ERC1: variants seen among roughly 807,000 people sequenced by gnomAD.
ERC1 encodes RAB6 interacting protein 2.
Under a neutral mutation model 132.0 loss-of-function variants are expected in ERC1, and 56 were observed. The observed-to-expected ratio is 0.42, with a 90% CI of 0.34 to 0.53. The LOEUF (loss-of-function observed/expected upper bound fraction) is 0.53. Among genes scored for constraint, ERC1 ranks in the 20% least tolerant of loss-of-function variants. The pLI is 0.03. For synonymous variants in ERC1, 478 were observed against 476.1 expected (o/e 1.00, Z -0.05); for missense variants, 1,202 against 1,349.9 (o/e 0.89, Z 1.72).
intron 7 of ERC1, among the ~76,000 whole-genome samples, chr12:1,117,196 A>C (rs1341868952): frequency 6.6e-6 from 1 of 152,186 alleles, no homozygotes; most frequent in Admixed American, 6.5e-5. Flanking sequence ...TTCTTTAAAG[A>C]AAAATAAGAA....
intron 13 of ERC1, among the ~76,000 whole-genome samples, chr12:1,255,506 C>A (rs988704850): frequency 6.6e-6 from 1 of 151,710 alleles, no homozygotes; most frequent in African/African-American, 2.4e-5. Context: ...GTTCTAGATC[C>A]TTGAGGAATC....
chr12:1,051,660 A>G (rs911426272), intron 2 of ERC1, among the ~76,000 whole-genome samples: 3 of 152,096 alleles, frequency 2.0e-5, no homozygotes, highest in East Asian at 1.9e-4. Flanking sequence ...TTGAGGCTGC[A>G]GTGAGTCCTG....
chr12:1,231,038 G>C (rs1594394613), intron 12 of ERC1, among the ~76,000 whole-genome samples: 1 of 152,182 alleles, frequency 6.6e-6, no homozygotes, highest in African/African-American at 2.4e-5. Context: ...TTTGATTGGA[G>C]AATTTAATCC....
intron 12 of ERC1, among the ~76,000 whole-genome samples, chr12:1,213,737 CAAA>C (rs574859764): frequency 3.0e-5 from 3 of 100,730 alleles, no homozygotes; most frequent in Non-Finnish European, 4.1e-5. Context: ...GACTCCATCT[CAAA>C]AAAAAAAAAA....
At chr12:1,489,267 G>A (rs1464768780) in intron 18 of ERC1, among the ~76,000 whole-genome samples, 2 of 152,122 alleles carry the variant, frequency 1.3e-5, no homozygotes, top group Non-Finnish European at 2.9e-5. Context: ...TCTCCCAGAC[G>A]GACTCTAGTC....
chr12:1,325,745 GTAATC>G (rs1380279795), intron 15 of ERC1, among the ~76,000 whole-genome samples: 1 of 152,084 alleles, frequency 6.6e-6, no homozygotes, highest in Non-Finnish European at 1.5e-5. Flanking sequence ...CATCTAAAGA[GTAATC>G]TAAGGACTAT....
intron 7 of ERC1, among the ~76,000 whole-genome samples, chr12:1,128,690 C>T (rs188230999): frequency 1.8e-4 from 27 of 152,196 alleles, no homozygotes; most frequent in Non-Finnish European, 3.8e-4. Flanking sequence ...TATGTAGTAA[C>T]ACTCAGTAAA....
intron 8 of ERC1, among the ~76,000 whole-genome samples, chr12:1,154,032 CTG>C (rs1336882310): frequency 6.6e-6 from 1 of 152,080 alleles, no homozygotes; most frequent in Non-Finnish European, 1.5e-5. Context: ...TTATACCACT[CTG>C]TATGCCTTTG....
intron 15 of ERC1, among the ~76,000 whole-genome samples, chr12:1,334,939 T>G (rs2083188010): frequency 1.3e-5 from 2 of 152,216 alleles, no homozygotes; most frequent in Admixed American, 1.3e-4. Flanking sequence ...TGTAGAGATC[T>G]TTCACCTGCT....
At chr12:1,485,555 G>A (rs1320993387) in intron 18 of ERC1, among the ~76,000 whole-genome samples, 1 of 152,044 alleles carries the variant, frequency 6.6e-6, no homozygotes, top group African/African-American at 2.4e-5. Flanking sequence ...TTAGCCATTT[G>A]TATTTCTTCT....
chr12:1,244,569 A>G, intron 13 of ERC1: 1 of 452,484 alleles, frequency 2.2e-6, no homozygotes, highest in Non-Finnish European at 4.4e-6. Context: ...TGACCCAGGC[A>G]GGAGTGCAGT....
chr12:1,093,583 A>G (rs1010614316), intron 3 of ERC1, among the ~76,000 whole-genome samples: 1 of 152,168 alleles, frequency 6.6e-6, no homozygotes, highest in African/African-American at 2.4e-5. Context: ...ACTTACTTAA[A>G]TGCTGGTATG....
chr12:1,217,204 C>G (rs1198298801), intron 12 of ERC1, among the ~76,000 whole-genome samples: 1 of 152,154 alleles, frequency 6.6e-6, no homozygotes. Flanking sequence ...AAAAGCCAAG[C>G]CTGCGTTTTA....
intron 8 of ERC1, among the ~76,000 whole-genome samples, chr12:1,144,770 C>T (rs1950199078): frequency 6.6e-6 from 1 of 151,250 alleles, no homozygotes; most frequent in Non-Finnish European, 1.5e-5. Flanking sequence ...GTGCAAGTGT[C>T]TTTTTCGTAT....
At chr12:1,372,798 C>CA (rs1284679412) in intron 16 of ERC1, among the ~76,000 whole-genome samples, 1 of 152,280 alleles carries the variant, frequency 6.6e-6, no homozygotes, top group African/African-American at 2.4e-5. Flanking sequence ...TCTTTGCCCT[C>CA]AAGTAATGAG....
chr12:1,175,643 T>G (rs1953623959), intron 8 of ERC1, among the ~76,000 whole-genome samples: 1 of 151,844 alleles, frequency 6.6e-6, no homozygotes, highest in African/African-American at 2.4e-5. Context: ...AAGTGATTCT[T>G]CTGCCTGAGC....
intron 1 of ERC1, among the ~76,000 whole-genome samples, chr12:1,009,360 G>T (rs2154137753): frequency 6.6e-6 from 1 of 152,242 alleles, no homozygotes; most frequent in South Asian, 2.1e-4. Flanking sequence ...ATTTTTAGTA[G>T]AGACAGGGTT....
At chr12:1,341,881 T>G (rs1405868358) in intron 15 of ERC1, among the ~76,000 whole-genome samples, 1 of 152,230 alleles carries the variant, frequency 6.6e-6, no homozygotes, top group Non-Finnish European at 1.5e-5. Flanking sequence ...TGACAGTTTC[T>G]TGCTGAATCA....
chr12:1,166,858 T>A (rs1184389573), intron 8 of ERC1, among the ~76,000 whole-genome samples: 1 of 152,216 alleles, frequency 6.6e-6, no homozygotes, highest in East Asian at 1.9e-4. Context: ...GGATAAATGC[T>A]TAATTTTCAA....
Sources: gnomAD v4.1 joint callset for allele counts (sites outside exome capture counted in the v4.1 genomes callset) on GRCh38, gnomAD v4.1.1 for gene constraint, MANE v1.5 for transcripts, NCBI Gene and HGNC (gene_info 2026-07-23, HGNC 2026-07-21) for gene names.